REC114: variants seen among roughly 807,000 people sequenced by gnomAD.
REC114 encodes the protein REC114 meiotic recombination protein, also known as meiotic recombination protein REC114.
REC114 carries 27 observed loss-of-function variants against 31.3 expected under a neutral mutation model. That is an observed-to-expected ratio of 0.86 (90% CI 0.64 to 1.19). The LOEUF is 1.19. Among genes scored for constraint, REC114 ranks in the 50% most tolerant of loss-of-function variants. REC114 has a pLI of 0.00. For missense variants in REC114, 344 were observed against 326.9 expected (o/e 1.05, Z -0.40); for synonymous variants, 134 against 127.7 (o/e 1.05, Z -0.33).
chr15:73,551,076 C>T lies in REC114; in HGVS notation c.472C>T (p.Leu158=), dbSNP rs981015876. 6 of 1,613,556 alleles carry T rather than the reference C, an allele frequency of 3.7e-6. No homozygotes were observed. Among genetic ancestry groups the T allele is most frequent in the Non-Finnish European group, 5.1e-6 (6 of 1,179,790 alleles). ...TGATGGAAACATCCAGGAGCTTCAG[C>T]TGATTCCTGGCCCACCCAGGGCAAC... ...VPDGNIQELQ[L]IPGPPRATES... Residue 158 remains leucine, a synonymous_variant, in exon 4 of 6, where the codon CTG becomes TTG. Coordinates refer to ENST00000331090, the MANE Select transcript of REC114 (RefSeq NM_001042367.2).
chr15:73,465,272 A>G (rs532158628), intron 1 of REC114, among the ~76,000 whole-genome samples: 5 of 152,356 alleles, frequency 3.3e-5, no homozygotes, highest in Non-Finnish European at 5.9e-5. Flanking sequence ...TCAGGGATGC[A>G]ATGAAGCTAC....
rs765628791 is a variant in REC114 at position 73,443,343 on chromosome 15, A to G, written c.158A>G (p.Lys53Arg). The G allele has an allele frequency of 6.4e-7, 1 of 1,570,238 alleles. No homozygotes were observed. The highest frequency in any genetic ancestry group is 1.9e-5 in the Admixed American group (1 of 53,318). ...GGGACAGCCCCCTGCCCCACATGGA[A>G]GGTGAGGCCCGAAGGCAGGAATATC... ...EAGTAPCPTW[K>R]VFDSNEESGY... The change falls in exon 1 of 6, where the codon AAG becomes AGG. Residue 53 changes from lysine (K) to arginine (R), a missense_variant and splice_region_variant. Lys to Arg is a conservative substitution (Grantham distance 26). Coordinates refer to ENST00000331090, the MANE Select transcript of REC114 (RefSeq NM_001042367.2).
intron 2 of REC114, among the ~76,000 whole-genome samples, chr15:73,498,424 AT>A (rs937441437): frequency 6.6e-6 from 1 of 151,878 alleles, no homozygotes; most frequent in African/African-American, 2.4e-5. Context: ...TGAGAGTTTT[AT>A]TTCTTCCTGT....
chr15:73,474,962 A>G (rs1893191094), intron 2 of REC114, among the ~76,000 whole-genome samples: 1 of 152,150 alleles, frequency 6.6e-6, no homozygotes, highest in Admixed American at 6.5e-5. Context: ...CATGCGTTGT[A>G]CTATTTTGCT....
intron 2 of REC114, among the ~76,000 whole-genome samples, chr15:73,501,665 C>T (rs1041157118): frequency 2.6e-5 from 4 of 152,054 alleles, no homozygotes; most frequent in East Asian, 1.9e-4. Flanking sequence ...GGCTGGTCTC[C>T]GTCTCCTGAC....
intron 2 of REC114, among the ~76,000 whole-genome samples, chr15:73,504,545 A>G (rs1364891775): frequency 6.6e-6 from 1 of 152,098 alleles, no homozygotes. Flanking sequence ...TCCTGCCCAT[A>G]TGATCAGAAG....
intron 2 of REC114, among the ~76,000 whole-genome samples, chr15:73,506,479 G>A (rs774522245): frequency 3.3e-5 from 5 of 152,156 alleles, no homozygotes; most frequent in Admixed American, 6.5e-5. Flanking sequence ...CTGATAAAAC[G>A]TGGCTGAAGT....
chr15:73,506,674 C>A (rs1893681676), intron 2 of REC114, among the ~76,000 whole-genome samples: 1 of 152,118 alleles, frequency 6.6e-6, no homozygotes, highest in Admixed American at 6.6e-5. Flanking sequence ...AACTGTAAAT[C>A]TTTTGGGGGG....
At chr15:73,455,410 T>A (rs945140394) in intron 1 of REC114, among the ~76,000 whole-genome samples, 1 of 152,126 alleles carries the variant, frequency 6.6e-6, no homozygotes, top group African/African-American at 2.4e-5. Flanking sequence ...TTTTTCTGAT[T>A]ATAGGAGAAT....
At chr15:73,454,247 A>C (rs938749961) in intron 1 of REC114, among the ~76,000 whole-genome samples, 3 of 152,188 alleles carry the variant, frequency 2.0e-5, no homozygotes, top group African/African-American at 2.4e-5. Flanking sequence ...CAGGGGAAAG[A>C]GTGATTGATT....
At chr15:73,446,581 A>C (rs1892767634) in intron 1 of REC114, among the ~76,000 whole-genome samples, 1 of 152,020 alleles carries the variant, frequency 6.6e-6, no homozygotes, top group African/African-American at 2.4e-5. Flanking sequence ...CTGAGGTTGC[A>C]GTGAGCTGAG....
intron 2 of REC114, among the ~76,000 whole-genome samples, chr15:73,486,939 T>A (rs577505113): frequency 6.6e-6 from 1 of 152,114 alleles, no homozygotes; most frequent in Non-Finnish European, 1.5e-5. Context: ...GAGAATCGCT[T>A]GAACCCAAGA....
chr15:73,489,483 G>A (rs553379427), intron 2 of REC114, among the ~76,000 whole-genome samples: 170 of 151,974 alleles, frequency 1.1e-3, no homozygotes, highest in South Asian at 1.9e-3. Flanking sequence ...TGGGATTACA[G>A]GCGTGAGCCA....
At chr15:73,513,399 C>G (rs1246198879) in intron 2 of REC114, among the ~76,000 whole-genome samples, 1 of 148,432 alleles carries the variant, frequency 6.7e-6, no homozygotes, top group Non-Finnish European at 1.5e-5. Flanking sequence ...AATGTCCTCC[C>G]GTAGCTCAGA....
intron 2 of REC114, among the ~76,000 whole-genome samples, chr15:73,509,526 T>C (rs1893732810): frequency 6.6e-6 from 1 of 150,676 alleles, no homozygotes; most frequent in Non-Finnish European, 1.5e-5. Context: ...CATGCCTATG[T>C]CCTGAATGGA....
rs183849242 is a variant in REC114, at chr15:73,487,253, A to C, written c.249+13332A>C. On this transcript the variant is annotated intron_variant, in intron 2 of 5. Coordinates refer to ENST00000331090, the MANE Select transcript of REC114 (RefSeq NM_001042367.2). ...ATGCAGAATATATTCATTGCATCCC[A>C]GTACCCCCAAAAGTCTTAACTTGTT... Among the ~76,000 whole-genome samples the C allele has an allele frequency of 1.3e-5, 2 of 152,342 alleles. 1 individual carries two copies. The highest frequency in any genetic ancestry group is 1.3e-4 in the Admixed American group (2 of 15,310).
intron 1 of REC114, among the ~76,000 whole-genome samples, chr15:73,461,922 CTT>C (rs961387922): frequency 0.058 from 4,535 of 78,146 alleles, 365 homozygotes; most frequent in African/African-American, 0.17. Context: ...TTTTTCTTTT[CTT>C]TTTTTTTTTT....
chr15:73,556,162 C>T (rs748269417), intron 4 of REC114, 140 bp from the exon 5 acceptor site: 1 of 690,884 alleles, frequency 1.4e-6, no homozygotes, highest in Non-Finnish European at 2.4e-6. Flanking sequence ...CCAGGACAGA[C>T]CTATGCTGAC....
chr15:73,497,471 A>G (rs996303955), intron 2 of REC114, among the ~76,000 whole-genome samples: 3 of 152,156 alleles, frequency 2.0e-5, no homozygotes, highest in Non-Finnish European at 2.9e-5. Flanking sequence ...CCCACTGATC[A>G]CTTTTCTTTA....
Sources: gnomAD v4.1 joint callset for allele counts (sites outside exome capture counted in the v4.1 genomes callset) on GRCh38, gnomAD v4.1.1 for gene constraint, MANE v1.5 for transcripts, NCBI Gene and HGNC (gene_info 2026-07-23, HGNC 2026-07-21) for gene names.